PPP2R2C: variants seen among roughly 807,000 people sequenced by gnomAD.
PPP2R2C encodes protein phosphatase 2 regulatory subunit Bgamma.
In PPP2R2C, 10 loss-of-function variants were observed where a neutral mutation model predicts 45.3. The ratio of observed to expected loss-of-function variants is 0.22; its 90% CI spans 0.14 to 0.37. The LOEUF (loss-of-function observed/expected upper bound fraction) is 0.37, where lower values mean the gene tolerates loss of function less well. Ranked by LOEUF, PPP2R2C falls within the 10% of genes least tolerant of loss-of-function variation. The pLI is 1.00. For missense variants in PPP2R2C, 308 were observed against 619.7 expected (o/e 0.50, Z 5.34); for synonymous variants, 257 against 245.4 (o/e 1.05, Z -0.44).
At chr4:6,547,686 G>A (rs751943338) in intron 1 of PPP2R2C, among the ~76,000 whole-genome samples, 5 of 152,164 alleles carry the variant, frequency 3.3e-5, no homozygotes, top group Admixed American at 6.5e-5. Flanking sequence ...AGGACCCAGC[G>A]TCTGCAATGG....
At chr4:6,438,461 C>G (rs1422516685) in intron 1 of PPP2R2C, among the ~76,000 whole-genome samples, 1 of 152,236 alleles carries the variant, frequency 6.6e-6, no homozygotes, top group Non-Finnish European at 1.5e-5. Context: ...CCTCTGTACC[C>G]AGGCCATGTC....
chr4:6,554,971 A>AG lies in PPP2R2C; in HGVS notation c.-59+8588_-59+8589insC, dbSNP rs60301628. Among the ~76,000 whole-genome samples the AG allele has an allele frequency of 0.017, 2,142 of 124,646 alleles. 100 individuals are homozygous for AG. The East Asian group carries it at 0.2, about 12-fold the overall frequency. The allele number at this position is 124,646 out of a possible 152,430, so 81.8% of individuals were successfully genotyped here. ...AGAAAGAAAGAAAGAAAGAAAGAGA[A>AG]AGAAAGAAAAGAGAAGAGAAGAGAA... On this transcript the variant is annotated intron_variant, in intron 1 of 9. Transcript: ENST00000506140.
At chr4:6,533,388 AAG>A (rs1238944869) in intron 2 of PPP2R2C, among the ~76,000 whole-genome samples, 2 of 152,150 alleles carry the variant, frequency 1.3e-5, no homozygotes, top group African/African-American at 2.4e-5. Context: ...TCCAGCAGAG[AAG>A]AGAGTCCCTT....
intron 1 of PPP2R2C, among the ~76,000 whole-genome samples, chr4:6,442,606 A>G (rs1417082738): frequency 6.6e-6 from 1 of 152,252 alleles, no homozygotes; most frequent in Non-Finnish European, 1.5e-5. Flanking sequence ...ACAGGCACCA[A>G]GAGGAACTGA....
chr4:6,413,994 C>T (rs1718382987), intron 1 of PPP2R2C: 2 of 1,533,962 alleles, frequency 1.3e-6, no homozygotes, highest in Non-Finnish European at 1.7e-6. Flanking sequence ...TGCCATGTTG[C>T]CAGTCAATGG....
intron 6 of PPP2R2C, 44 bp downstream of exon 6, chr4:6,347,802 C>A: frequency 7.0e-7 from 1 of 1,430,984 alleles, no homozygotes; most frequent in Non-Finnish European, 9.5e-7. Flanking sequence ...CACCCGCCCG[C>A]CTGCCCAATG....
At chr4:6,419,739 G>A (rs578231999) in intron 1 of PPP2R2C, among the ~76,000 whole-genome samples, 2 of 152,256 alleles carry the variant, frequency 1.3e-5, no homozygotes, top group South Asian at 4.1e-4. Context: ...ACATCACAGC[G>A]TGGGCAGGCC....
chr4:6,423,496 A>G (rs1719102443), intron 1 of PPP2R2C, among the ~76,000 whole-genome samples: 1 of 152,090 alleles, frequency 6.6e-6, no homozygotes, highest in Non-Finnish European at 1.5e-5. Flanking sequence ...TAGCCACCAC[A>G]CCCGGCCCCC....
At chr4:6,333,864 A>G (rs964709226) in intron 6 of PPP2R2C, 133 bp from the exon 7 acceptor site, 9 of 938,352 alleles carry the variant, frequency 9.6e-6, no homozygotes, top group Non-Finnish European at 1.5e-5. Flanking sequence ...CAAACCTAGA[A>G]CTAAACACTT....
intron 1 of PPP2R2C, among the ~76,000 whole-genome samples, chr4:6,387,873 C>T (rs901946373): frequency 6.6e-6 from 1 of 152,030 alleles, no homozygotes; most frequent in African/African-American, 2.4e-5. Context: ...CAAGGACCAG[C>T]ACTTTCATCT....
intron 4 of PPP2R2C, among the ~76,000 whole-genome samples, chr4:6,375,097 T>G (rs1300289816): frequency 6.6e-6 from 1 of 152,108 alleles, no homozygotes. Flanking sequence ...TCCCTCTAGA[T>G]GAAACCCTCA....
chr4:6,337,975 G>T (rs2109193873), intron 6 of PPP2R2C, among the ~76,000 whole-genome samples: 1 of 152,072 alleles, frequency 6.6e-6, no homozygotes. Context: ...TTTTCCAAAA[G>T]ATAGTGGAAT....
upstream of PPP2R2C, among the ~76,000 whole-genome samples, chr4:6,477,265 A>T (rs1414276936): frequency 6.6e-6 from 1 of 152,128 alleles, no homozygotes; most frequent in African/African-American, 2.4e-5. Context: ...AATTCTAGGA[A>T]TTGCTGAGTG....
At chr4:6,549,126 C>T (rs1472669329) in intron 1 of PPP2R2C, among the ~76,000 whole-genome samples, 4 of 152,184 alleles carry the variant, frequency 2.6e-5, no homozygotes, top group Admixed American at 6.5e-5. Context: ...TCTAAGCCAC[C>T]ATCATTGCTC....
In PPP2R2C at chr4:6,403,589, T is replaced by C. The variant is rs540849724; in HGVS notation, c.71-22495A>G. 1.1e-4 allele frequency among the ~76,000 whole-genome samples: 16 copies of C among 152,040 alleles called. No individual in the cohort carries two copies. The East Asian group carries it at 2.9e-3, about 28-fold the overall frequency. ...CTTGGAACCTTTCCACTGACATGAG[T>C]ATTTAGTTGTGGAGGATTAAAAATA... On this transcript the variant is annotated intron_variant, in intron 1 of 8. Coordinates refer to ENST00000382599, the MANE Select transcript of PPP2R2C (RefSeq NM_020416.4).
chr4:6,472,360 GAGGGCATCGCGGC>G lies in PPP2R2C; in HGVS notation c.-144_-132del, dbSNP rs1721949120. 1.7e-6 allele frequency: 2 copies of G among 1,181,008 alleles called. No individual in the cohort carries two copies. Among genetic ancestry groups the G allele is most frequent in the Non-Finnish European group, 2.1e-6 (2 of 954,084 alleles). The allele number at this position is 1,181,008 out of a possible 1,614,324, so 73.2% of individuals were successfully genotyped here. A position where few individuals can be genotyped will look rare whatever the true frequency, so the allele number is the denominator to read the frequency against. On this transcript the variant is annotated 5_prime_UTR_variant, in exon 1 of 9. It removes an upstream start codon present in the reference 5' UTR. Transcript: ENST00000382599. ...GCGCGGGCCGCCGGGGCCCCGAAGG[GAGGGCATCGCGGC>G]AGGGGGACGGGCGGGGGCGGCCGGG...
chr4:6,382,018 A>C lies in PPP2R2C; in HGVS notation c.71-924T>G. The stretch of plus-strand genomic sequence containing the variant: ...GCCCTAGCCTGGAAGAGAAACCCCC[A>C]CTGGAGGACAGCTCACCAACCTGAA... On this transcript the variant is annotated intron_variant, in intron 1 of 8. Coordinates refer to ENST00000382599, the MANE Select transcript of PPP2R2C (RefSeq NM_020416.4). The C allele has an allele frequency of 2.8e-6, 4 of 1,409,124 alleles. No homozygotes were observed. In the South Asian group the frequency reaches 4.8e-5, roughly 17 times the overall value. The allele number at this position is 1,409,124 out of a possible 1,614,324, so 87.3% of individuals were successfully genotyped here. A position where few individuals can be genotyped will look rare whatever the true frequency, so the allele number is the denominator to read the frequency against.
At chr4:6,437,406 T>C (rs1045522813) in intron 1 of PPP2R2C, among the ~76,000 whole-genome samples, 1 of 152,234 alleles carries the variant, frequency 6.6e-6, no homozygotes, top group Admixed American at 6.5e-5. Context: ...AGTCCTTTTG[T>C]AGTTGTCTGA....
rs1721578311 is a variant in PPP2R2C at position 6,466,107 on chromosome 4, C to T, written c.70+6053G>A. ...CTTGGAGCATTATTTGAAAGCATGGCCCCTGCCTGTGAAACTACAGACGCA... is the reference window on the plus strand; with the variant it reads ...CTTGGAGCATTATTTGAAAGCATGGTCCCTGCCTGTGAAACTACAGACGCA... On this transcript the variant is annotated intron_variant, in intron 1 of 8. Transcript: ENST00000382599. Among the ~76,000 whole-genome samples, 4 of 152,204 alleles carry T rather than the reference C, an allele frequency of 2.6e-5. No homozygotes were observed. In the South Asian group the frequency reaches 8.3e-4, roughly 32 times the overall value.
Sources: allele counts gnomAD v4.1 joint callset (sites outside exome capture counted in the v4.1 genomes callset), GRCh38; gene constraint gnomAD v4.1.1; transcripts MANE v1.5; gene names NCBI Gene and HGNC (gene_info 2026-07-23, HGNC 2026-07-21).